Variants in HDDC2 observed in about 807,000 individuals in gnomAD.
HDDC2 encodes HD domain containing 2, also known as 5'-deoxynucleotidase HDDC2.
In HDDC2, 25 loss-of-function variants were observed where a neutral mutation model predicts 25.5. The observed-to-expected ratio is 0.98, with a 90% confidence interval of 0.72 to 1.37. HDDC2 has a LOEUF of 1.37. Ranked by LOEUF, HDDC2 falls within the 40% of genes most tolerant of loss-of-function variation. The pLI, the probability that HDDC2 is intolerant of heterozygous loss-of-function variation, is 0.00. For missense variants in HDDC2, 264 were observed against 253.1 expected (o/e 1.04, Z -0.29); for synonymous variants, 106 against 89.7 (o/e 1.18, Z -1.03).
intron 4 of HDDC2, among the ~76,000 whole-genome samples, chr6:125,283,075 T>C (rs1339838774): frequency 6.6e-6 from 1 of 152,186 alleles, no homozygotes; most frequent in Non-Finnish European, 1.5e-5. Flanking sequence ...CACATGATTA[T>C]CTCAAAAGAT....
At chr6:125,282,914 AG>A (rs1181818850) in intron 4 of HDDC2, among the ~76,000 whole-genome samples, 1 of 152,236 alleles carries the variant, frequency 6.6e-6, no homozygotes, top group Middle Eastern at 3.2e-3. Context: ...GAAAAGACAA[AG>A]AAGGGCATTA....
intron 4 of HDDC2, chr6:125,277,713 C>A (rs1220936650): frequency 6.5e-6 from 1 of 153,490 alleles, no homozygotes; most frequent in Non-Finnish European, 1.4e-5. Context: ...TTGGTTACCA[C>A]TTTACCTGGG....
intron 2 of HDDC2, 51 bp downstream of exon 2, chr6:125,300,487 A>G (rs550455169): frequency 3.9e-5 from 61 of 1,581,978 alleles, no homozygotes; most frequent in Non-Finnish European, 5.2e-5. Context: ...AAACGGGTGC[A>G]CACCCATAGA....
At chr6:125,300,145 TCTCAG>T (rs1157066812) in intron 2 of HDDC2, 1 of 159,004 alleles carries the variant, frequency 6.3e-6, no homozygotes, top group African/African-American at 2.4e-5. Flanking sequence ...GATACCTCTT[TCTCAG>T]CTATGTCTTG....
chr6:125,283,812 C>A (rs1468365939), intron 4 of HDDC2, among the ~76,000 whole-genome samples: 6 of 152,118 alleles, frequency 3.9e-5, no homozygotes, highest in Non-Finnish European at 7.4e-5. Flanking sequence ...TAGAAAAAAA[C>A]TACTTTAAAT....
chr6:125,277,013 C>A, intron 5 of HDDC2, 89 bp downstream of exon 5: 1 of 1,327,272 alleles, frequency 7.5e-7, no homozygotes, highest in Non-Finnish European at 1.1e-6. Context: ...ATGAAGGTAC[C>A]AACAGTGGGT....
chr6:125,276,940 C>T, intron 5 of HDDC2, 162 bp downstream of exon 5: 1 of 668,362 alleles, frequency 1.5e-6, no homozygotes, highest in Non-Finnish European at 2.5e-6. Context: ...ATTTCCTATC[C>T]TCAGCCTCTT....
chr6:125,297,615 C>A (rs59008814), intron 3 of HDDC2: 1 of 402,942 alleles, frequency 2.5e-6, no homozygotes, highest in Non-Finnish European at 4.4e-6. Context: ...TTTTCCCCCA[C>A]AAGCTCCAGT....
intron 4 of HDDC2, 163 bp downstream of exon 4, chr6:125,292,678 T>C (rs1798648680): frequency 6.1e-6 from 1 of 165,146 alleles, no homozygotes; most frequent in South Asian, 2.0e-4. Flanking sequence ...TTTCTATCCA[T>C]CAGGAGAAAT....
intron 4 of HDDC2, among the ~76,000 whole-genome samples, chr6:125,287,212 C>T (rs1798551762): frequency 6.6e-6 from 1 of 152,022 alleles, no homozygotes; most frequent in Admixed American, 6.6e-5. Context: ...AGACATTAAG[C>T]TTTAAAAAAA....
chr6:125,299,057 T>C (rs1177971736), intron 2 of HDDC2, among the ~76,000 whole-genome samples: 1 of 152,242 alleles, frequency 6.6e-6, no homozygotes, highest in African/African-American at 2.4e-5. Context: ...ATTAATTTTT[T>C]TTCTTAAATG....
chr6:125,289,415 G>A (rs1280540108), intron 4 of HDDC2, among the ~76,000 whole-genome samples: 1 of 135,814 alleles, frequency 7.4e-6, no homozygotes, highest in African/African-American at 3.0e-5. Flanking sequence ...GCACCAGCAT[G>A]GCACATGTAT....
At chr6:125,284,721 G>A (rs552283149) in intron 4 of HDDC2, among the ~76,000 whole-genome samples, 45 of 152,284 alleles carry the variant, frequency 3.0e-4, no homozygotes, top group African/African-American at 1.0e-3. Flanking sequence ...TGGTGGGAGT[G>A]CAAATTAGTT....
At chr6:125,284,579 G>T (rs1184932181) in intron 4 of HDDC2, among the ~76,000 whole-genome samples, 2 of 152,184 alleles carry the variant, frequency 1.3e-5, no homozygotes, top group Non-Finnish European at 2.9e-5. Flanking sequence ...ATTATCACTG[G>T]TCATTAGAGA....
chr6:125,292,785 G>A, intron 4 of HDDC2, 56 bp downstream of exon 4: 1 of 1,274,506 alleles, frequency 7.8e-7, no homozygotes, highest in Admixed American at 1.7e-5. Flanking sequence ...ACAACATCAG[G>A]GAGCCATATA....
At chr6:125,288,552 G>A (rs1441267558) in intron 4 of HDDC2, among the ~76,000 whole-genome samples, 1 of 152,156 alleles carries the variant, frequency 6.6e-6, no homozygotes, top group East Asian at 1.9e-4. Flanking sequence ...AAGGAAAACA[G>A]GAAGATTAAA....
chr6:125,287,574 G>A (rs958613018), intron 4 of HDDC2, among the ~76,000 whole-genome samples: 1 of 152,204 alleles, frequency 6.6e-6, no homozygotes, highest in African/African-American at 2.4e-5. Context: ...TGGACAATTA[G>A]GTGTAACTGT....
chr6:125,285,575 T>C (rs1798521973), intron 4 of HDDC2, among the ~76,000 whole-genome samples: 1 of 151,416 alleles, frequency 6.6e-6, no homozygotes, highest in African/African-American at 2.4e-5. Flanking sequence ...AACATACAGA[T>C]ACAGAAGAGT....
At chr6:125,281,182 C>T (rs1052037310) in intron 4 of HDDC2, among the ~76,000 whole-genome samples, 2 of 152,160 alleles carry the variant, frequency 1.3e-5, no homozygotes, top group Admixed American at 6.5e-5. Flanking sequence ...AGGACAACCA[C>T]ACAAAAACTC....
Sources: gnomAD v4.1 joint callset for allele counts (sites outside exome capture counted in the v4.1 genomes callset) on GRCh38, gnomAD v4.1.1 for gene constraint, MANE v1.5 for transcripts, NCBI Gene and HGNC (gene_info 2026-07-23, HGNC 2026-07-21) for gene names.